ARHGEF7: variants seen among roughly 807,000 people sequenced by gnomAD.
The protein encoded by ARHGEF7 is PAK-interacting exchange factor beta.
Under a neutral mutation model 109.8 loss-of-function variants are expected in ARHGEF7, and 33 were observed. The ratio of observed to expected loss-of-function variants is 0.30; its 90% CI spans 0.23 to 0.40. The LOEUF (loss-of-function observed/expected upper bound fraction) is 0.40. ARHGEF7 is among the 10% of genes least tolerant of loss of function. The pLI, the probability that ARHGEF7 is intolerant of heterozygous loss-of-function variation, is 1.00. For missense variants in ARHGEF7, 938 were observed against 1,098.5 expected (o/e 0.85, Z 2.07); for synonymous variants, 458 against 424.6 (o/e 1.08, Z -0.97).
At chr13:111,243,244 A>G (rs1395754603) in intron 6 of ARHGEF7, among the ~76,000 whole-genome samples, 1 of 152,140 alleles carries the variant, frequency 6.6e-6, no homozygotes, top group Non-Finnish European at 1.5e-5. Flanking sequence ...TTTAGTTGAG[A>G]GTAATATTAC....
At position 111,170,351 on chromosome 13, in the gene ARHGEF7, G is replaced by A. The variant is rs183487175; in HGVS notation, c.252+16360G>A. On this transcript the variant is annotated intron_variant, in intron 2 of 21. Transcript: ENST00000646102. Reference sequence around the variant, plus strand: ...GGCCTTAAGTGATCCACCCGCCTTGGCCTCCCAAAGTGCTGGGATTATAGG... The same window carrying A: ...GGCCTTAAGTGATCCACCCGCCTTGACCTCCCAAAGTGCTGGGATTATAGG... 2.7e-3 allele frequency among the ~76,000 whole-genome samples: 413 copies of A among 152,340 alleles called. 2 individuals are homozygous for A. The highest frequency in any genetic ancestry group is 0.02 in the Middle Eastern group (6 of 294).
intron 2 of ARHGEF7, among the ~76,000 whole-genome samples, chr13:111,184,660 T>C (rs1469172665): frequency 6.6e-6 from 1 of 152,204 alleles, no homozygotes; most frequent in Non-Finnish European, 1.5e-5. Flanking sequence ...CTTCTCCATC[T>C]TTTTGGGAGT....
intron 1 of ARHGEF7, among the ~76,000 whole-genome samples, chr13:111,133,006 ATATT>A (rs1449158424): frequency 2.0e-5 from 3 of 152,172 alleles, no homozygotes; most frequent in Middle Eastern, 3.4e-3. Context: ...ATATGCATAC[ATATT>A]TATATATACA....
rs1432819678 is a variant in ARHGEF7, at chr13:111,273,394, A to G, written c.1074-420A>G. 6.6e-6 allele frequency among the ~76,000 whole-genome samples: 1 copy of G among 152,216 alleles called. No homozygotes were observed. The highest frequency in any genetic ancestry group is 1.5e-5 in the Non-Finnish European group (1 of 68,032). On this transcript the variant is annotated intron_variant, in intron 9 of 21. Transcript: ENST00000646102. This position sits in a 1 kb window ranked among gnomAD's most constrained non-coding sequence, Gnocchi z 4.5. Reference sequence around the variant, plus strand: ...GAACTCGCATCTGGGGATGACTACCATCAGTGTGCTCTAGCTCTTTACCGG... The same window carrying G: ...GAACTCGCATCTGGGGATGACTACCGTCAGTGTGCTCTAGCTCTTTACCGG...
chr13:111,202,288 T>A (rs2081296696), intron 2 of ARHGEF7, among the ~76,000 whole-genome samples: 1 of 152,220 alleles, frequency 6.6e-6, no homozygotes, highest in African/African-American at 2.4e-5. Context: ...TGACCTTCCT[T>A]ACCTCACCAG....
At chr13:111,294,857 TA>T in intron 19 of ARHGEF7, 2 of 985,818 alleles carry the variant, frequency 2.0e-6, no homozygotes, top group Non-Finnish European at 2.4e-6. Context: ...GCAAATGGCC[TA>T]AATGGTGTTC....
chr13:111,301,658 C>T (rs528329664), intron 21 of ARHGEF7, 126 bp downstream of exon 21: 13 of 688,610 alleles, frequency 1.9e-5, no homozygotes, highest in East Asian at 8.7e-5. Flanking sequence ...TTTAGAAGGC[C>T]GAGGTGGACA....
intron 8 of ARHGEF7, among the ~76,000 whole-genome samples, chr13:111,263,802 G>C (rs528893751): frequency 1.5e-5 from 2 of 135,858 alleles, no homozygotes; most frequent in South Asian, 4.8e-4. Context: ...GTGTCTTAAA[G>C]GGCGTGTTCT....
Position 111,296,446 on chromosome 13 carries a change from C to T in ARHGEF7, c.2311+4152C>T, listed in dbSNP as rs569252312. Among the ~76,000 whole-genome samples, 5 of 152,154 alleles carry T rather than the reference C, an allele frequency of 3.3e-5. No individual in the cohort carries two copies. In the East Asian group the frequency reaches 9.6e-4, roughly 29 times the overall value. The stretch of plus-strand genomic sequence containing the variant: ...ATGCTTGCTGCAGGATTTTTCAGCA[C>T]TGGGCAGGCAGACACCGAGCATCTA... On this transcript the variant is annotated intron_variant, in intron 19 of 21. Transcript: ENST00000646102.
intron 8 of ARHGEF7, among the ~76,000 whole-genome samples, chr13:111,264,063 C>T (rs967524393): frequency 6.6e-6 from 1 of 151,922 alleles, no homozygotes; most frequent in Non-Finnish European, 1.5e-5. Flanking sequence ...GGAAACCCCG[C>T]TTAGCTGTTC....
At chr13:111,125,942 G>T (rs1044385005) in intron 1 of ARHGEF7, among the ~76,000 whole-genome samples, 1 of 152,198 alleles carries the variant, frequency 6.6e-6, no homozygotes, top group African/African-American at 2.4e-5. Flanking sequence ...GATATTCCTG[G>T]TTCTGATTGT....
rs550052911 is a variant in ARHGEF7 at position 111,268,363 on chromosome 13, T to G, written c.1073+693T>G. Among the ~76,000 whole-genome samples the G allele has an allele frequency of 3.3e-5, 5 of 152,266 alleles. No homozygotes were observed. The South Asian group carries it at 8.3e-4, about 25-fold the overall frequency. ...TTTATATTAATGTTTTACAAAAAAT[T>G]AATACAAAGATTTGTATTAATATTT... On this transcript the variant is annotated intron_variant, in intron 9 of 21. Coordinates refer to ENST00000646102, the MANE Select transcript of ARHGEF7 (RefSeq NM_001354046.2).
chr13:111,195,881 T>C (rs1220104760), intron 2 of ARHGEF7, among the ~76,000 whole-genome samples: 1 of 152,202 alleles, frequency 6.6e-6, no homozygotes, highest in African/African-American at 2.4e-5. Flanking sequence ...CTGCTGCCTT[T>C]CTCTGATCTC....
At chr13:111,283,537 C>T (rs565620234) in intron 16 of ARHGEF7, 174 bp downstream of exon 16, 3 of 742,556 alleles carry the variant, frequency 4.0e-6, no homozygotes, top group Non-Finnish European at 4.9e-6. Flanking sequence ...CTGAGAGGCC[C>T]GTGGTAACCT....
intron 9 of ARHGEF7, among the ~76,000 whole-genome samples, chr13:111,270,678 T>C (rs976359853): frequency 1.3e-5 from 2 of 152,212 alleles, no homozygotes; most frequent in East Asian, 1.9e-4. Flanking sequence ...CCCTGAAATA[T>C]AAATAATGAC....
At chr13:111,256,127 T>TA (rs1168232607) in intron 8 of ARHGEF7, among the ~76,000 whole-genome samples, 1 of 152,224 alleles carries the variant, frequency 6.6e-6, no homozygotes, top group Non-Finnish European at 1.5e-5. Flanking sequence ...GTCTTATTCT[T>TA]ATCCTACACT....
chr13:111,234,696 T>G (rs2086560925), intron 6 of ARHGEF7, among the ~76,000 whole-genome samples: 1 of 152,222 alleles, frequency 6.6e-6, no homozygotes. Flanking sequence ...CTTTTCTGCC[T>G]TGGAAACCCT....
At chr13:111,302,672 A>G (rs951200409) in intron 21 of ARHGEF7, among the ~76,000 whole-genome samples, 4 of 152,344 alleles carry the variant, frequency 2.6e-5, no homozygotes, top group African/African-American at 9.6e-5. Context: ...TAAATGGACA[A>G]AAAGGCTGGA....
intron 2 of ARHGEF7, among the ~76,000 whole-genome samples, chr13:111,172,464 T>C (rs548847823): frequency 1.3e-5 from 2 of 152,312 alleles, no homozygotes; most frequent in South Asian, 2.1e-4. Context: ...GTGGTGCCGC[T>C]CTCTAAGGCT....
Sources: allele counts gnomAD v4.1 joint callset (sites outside exome capture counted in the v4.1 genomes callset), GRCh38; gene constraint gnomAD v4.1.1; non-coding constraint Gnocchi (gnomAD v3.1); transcripts MANE v1.5; gene names NCBI Gene and HGNC (gene_info 2026-07-23, HGNC 2026-07-21).